AGBL1: variants seen among roughly 807,000 people sequenced by gnomAD.
AGBL1 encodes cytosolic carboxypeptidase 4.
In AGBL1, 130 loss-of-function variants were observed where a neutral mutation model predicts 118.9. The observed-to-expected ratio is 1.09, with a 90% CI of 0.95 to 1.26. The LOEUF (loss-of-function observed/expected upper bound fraction) is 1.26, where lower values mean the gene tolerates loss of function less well. AGBL1 is among the 50% of genes most tolerant of loss of function. The probability of loss-of-function intolerance (pLI) is 0.00; values close to 1 mark genes in which losing one functional copy is unlikely to be tolerated. For synonymous variants in AGBL1, 555 were observed against 478.9 expected (o/e 1.16, Z -2.08); for missense variants, 1,584 against 1,298.1 (o/e 1.22, Z -3.38).
chr15:86,585,053 G>C (rs2084225971), intron 21 of AGBL1, among the ~76,000 whole-genome samples: 1 of 152,182 alleles, frequency 6.6e-6, no homozygotes, highest in Admixed American at 6.5e-5. Context: ...AAACTTTACT[G>C]AAGTTGCTTA....
Position 86,410,818 on chromosome 15 carries a change from AT to A in AGBL1, c.2555+13273del, listed in dbSNP as rs2142008978. 2.2e-5 allele frequency among the ~76,000 whole-genome samples: 2 copies of A among 91,830 alleles called. 1 individual carries two copies. Among genetic ancestry groups the A allele is most frequent in the East Asian group, 7.1e-4 (2 of 2,810 alleles). 60.2% of individuals were successfully genotyped at this position (91,830 alleles called of 152,430 possible). A position where few individuals can be genotyped will look rare whatever the true frequency, so the allele number is the denominator to read the frequency against. ...CAAGGTCAAATGTAGATATATATAT[AT>A]ATATATATATATATATATATATAAT... On this transcript the variant is annotated intron_variant, in intron 18 of 22. Transcript: ENST00000614907.
chr15:86,102,651 T>C lies in AGBL1; in HGVS notation c.51+22628T>C, dbSNP rs187926173. ...GTAAGGTTTCTGTTGAGAAATTCCCTGTTAGTCTAATAGAGGTTCCCTCAT... is the reference window on the plus strand; with the variant it reads ...GTAAGGTTTCTGTTGAGAAATTCCCCGTTAGTCTAATAGAGGTTCCCTCAT... On this transcript the variant is annotated intron_variant, in intron 1 of 22. Transcript: ENST00000614907. Among the ~76,000 whole-genome samples the C allele has an allele frequency of 1.0e-3, 152 of 152,358 alleles. 1 individual carries two copies. The highest frequency in any genetic ancestry group is 3.3e-3 in the African/African-American group (138 of 41,586).
At chr15:86,281,214 T>G (rs1376286233) in intron 16 of AGBL1, among the ~76,000 whole-genome samples, 2 of 152,014 alleles carry the variant, frequency 1.3e-5, no homozygotes, top group Non-Finnish European at 2.9e-5. Flanking sequence ...GAAACCACCA[T>G]CTCTACAAAA....
At chr15:86,686,211 GT>G (rs1005882777) in intron 22 of AGBL1, among the ~76,000 whole-genome samples, 21 of 152,216 alleles carry the variant, frequency 1.4e-4, no homozygotes, top group Admixed American at 2.6e-4. Context: ...GATTGATCTA[GT>G]TTTTTTAAAG....
intron 17 of AGBL1, among the ~76,000 whole-genome samples, chr15:86,332,795 T>A (rs1420298990): frequency 6.6e-6 from 1 of 152,054 alleles, no homozygotes; most frequent in Non-Finnish European, 1.5e-5. Context: ...ATCGACCACA[T>A]GCTCAGCCAT....
chr15:86,762,199 C>G (rs1361822204), intron 22 of AGBL1, among the ~76,000 whole-genome samples: 1 of 151,920 alleles, frequency 6.6e-6, no homozygotes, highest in Admixed American at 6.6e-5. Flanking sequence ...AGGGGAACAT[C>G]ACACAGTGGG....
rs1455677602 is a variant in AGBL1 at position 86,827,477 on chromosome 15, A to ACC, written c.3159-79610_3159-79609insCC. ...TATATATATATATATATACATATAT[A>ACC]TATATATGTGTGTATATATATATAT... On this transcript the variant is annotated intron_variant, in intron 22 of 22. Transcript: ENST00000614907. Among the ~76,000 whole-genome samples, 2 of 14,746 alleles carry ACC rather than the reference A, an allele frequency of 1.4e-4. 1 individual carries two copies. The highest frequency in any genetic ancestry group is 4.7e-4 in the African/African-American group (2 of 4,260). The allele number at this position is 14,746 out of a possible 152,430, so 9.7% of individuals were successfully genotyped here.
intron 22 of AGBL1, among the ~76,000 whole-genome samples, chr15:86,698,589 C>T (rs1273373389): frequency 2.0e-5 from 3 of 150,594 alleles, no homozygotes; most frequent in Non-Finnish European, 4.4e-5. Flanking sequence ...GGAATTCCAT[C>T]TGTATATAGT....
chr15:86,127,123 C>T (rs959012270), intron 1 of AGBL1, among the ~76,000 whole-genome samples: 2 of 152,162 alleles, frequency 1.3e-5, no homozygotes, highest in Non-Finnish European at 2.9e-5. Flanking sequence ...GGGAAAACTA[C>T]AGGAATACTT....
chr15:86,688,730 A>G (rs1596371535), intron 22 of AGBL1, among the ~76,000 whole-genome samples: 2 of 152,182 alleles, frequency 1.3e-5, no homozygotes. Context: ...GATACATAAT[A>G]AACTGCACAT....
chr15:86,955,575 A>G (rs2080921238), intron 23 of AGBL1, among the ~76,000 whole-genome samples: 1 of 152,168 alleles, frequency 6.6e-6, no homozygotes, highest in Non-Finnish European at 1.5e-5. Context: ...GTTTACAAAG[A>G]CAAGATAGAC....
At chr15:86,837,595 C>T (rs1201926990) in intron 22 of AGBL1, among the ~76,000 whole-genome samples, 1 of 152,128 alleles carries the variant, frequency 6.6e-6, no homozygotes, top group Non-Finnish European at 1.5e-5. Flanking sequence ...AAAAAGTTTA[C>T]TGATTCTTGA....
chr15:86,408,517 T>G (rs1466256920), intron 18 of AGBL1, among the ~76,000 whole-genome samples: 5 of 152,216 alleles, frequency 3.3e-5, no homozygotes, highest in Non-Finnish European at 7.3e-5. Flanking sequence ...AGCTTAAACT[T>G]GCAATCATGT....
chr15:86,621,287 T>C (rs2084799801), intron 21 of AGBL1, among the ~76,000 whole-genome samples: 1 of 152,226 alleles, frequency 6.6e-6, no homozygotes. Context: ...ATTCAACAGA[T>C]CCTGGTTCAA....
chr15:86,780,307 C>T (rs2078316471), intron 22 of AGBL1, among the ~76,000 whole-genome samples: 1 of 152,116 alleles, frequency 6.6e-6, no homozygotes, highest in African/African-American at 2.4e-5. Flanking sequence ...TCCCTGGATT[C>T]TTTTCTGTTC....
intron 17 of AGBL1, among the ~76,000 whole-genome samples, chr15:86,298,253 A>T (rs1206431460): frequency 1.3e-5 from 1 of 78,414 alleles, no homozygotes; most frequent in Non-Finnish European, 2.3e-5. Context: ...TATAATATAT[A>T]TATATATATA....
intron 24 of AGBL1, among the ~76,000 whole-genome samples, chr15:86,999,009 C>T (rs1226276899): frequency 4.0e-5 from 6 of 150,894 alleles, no homozygotes; most frequent in Admixed American, 2.0e-4. Context: ...CTATCCCTTC[C>T]CCCACCCCAT....
chr15:86,968,192 G>A, intron 23 of AGBL1, among the ~76,000 whole-genome samples: 1 of 151,828 alleles, frequency 6.6e-6, no homozygotes, highest in African/African-American at 2.4e-5. Flanking sequence ...AATGACATTG[G>A]ATTTGGAGTC....
chr15:86,225,102 T>C (rs191206480), intron 6 of AGBL1, among the ~76,000 whole-genome samples, 151 bp downstream of exon 6: 274 of 151,446 alleles, frequency 1.8e-3, no homozygotes, highest in Non-Finnish European at 2.6e-3. Flanking sequence ...TTGAAAGTGA[T>C]AAAGTCATGT....
Sources: gnomAD v4.1 joint callset for allele counts (sites outside exome capture counted in the v4.1 genomes callset) on GRCh38, gnomAD v4.1.1 for gene constraint, MANE v1.5 for transcripts, NCBI Gene and HGNC (gene_info 2026-07-23, HGNC 2026-07-21) for gene names.